Variants in NR3C2 observed in about 807,000 individuals in gnomAD.
The protein encoded by NR3C2 is mineralocorticoid receptor.
NR3C2 carries 15 observed loss-of-function variants against 86.4 expected under a neutral mutation model. That is an observed-to-expected ratio of 0.17 (90% CI 0.12 to 0.27). NR3C2 has a LOEUF of 0.27. Ranked by LOEUF, NR3C2 falls within the 10% of genes least tolerant of loss-of-function variation. The probability of loss-of-function intolerance (pLI) is 1.00; values close to 1 mark genes in which losing one functional copy is unlikely to be tolerated. For synonymous variants in NR3C2, 458 were observed against 450.5 expected (o/e 1.02, Z -0.21); for missense variants, 960 against 1,195.6 (o/e 0.80, Z 2.91).
chr4:148,199,222 C>T (rs1304137989), intron 3 of NR3C2, among the ~76,000 whole-genome samples: 1 of 151,908 alleles, frequency 6.6e-6, no homozygotes, highest in African/African-American at 2.4e-5. Flanking sequence ...TGAAAAGAGT[C>T]CAGCTGAGCC....
chr4:148,233,891 A>G (rs1431718940), intron 3 of NR3C2, among the ~76,000 whole-genome samples: 1 of 152,206 alleles, frequency 6.6e-6, no homozygotes, highest in African/African-American at 2.4e-5. Context: ...AATCACTAAA[A>G]TGTGACACAG....
intron 3 of NR3C2, among the ~76,000 whole-genome samples, chr4:148,255,745 C>G (rs1472473548): frequency 1.3e-5 from 2 of 152,136 alleles, no homozygotes; most frequent in Non-Finnish European, 2.9e-5. Context: ...ACTCTGTTCA[C>G]TGAGGAATCA....
intron 3 of NR3C2, among the ~76,000 whole-genome samples, chr4:148,218,949 C>T (rs979969721): frequency 6.6e-6 from 1 of 152,110 alleles, no homozygotes; most frequent in Non-Finnish European, 1.5e-5. Flanking sequence ...TATGGGCATA[C>T]ATTTTCATTT....
intron 2 of NR3C2, among the ~76,000 whole-genome samples, chr4:148,325,134 A>G (rs916815141): frequency 5.6e-5 from 7 of 125,982 alleles, no homozygotes; most frequent in Non-Finnish European, 9.8e-5. Context: ...GGGAGAGAGA[A>G]TGAGAGAGAG....
intron 4 of NR3C2, among the ~76,000 whole-genome samples, chr4:148,156,691 T>A (rs1401710942): frequency 2.9e-5 from 2 of 68,084 alleles, no homozygotes; most frequent in Admixed American, 1.9e-4. Context: ...ATAGGAACAC[T>A]TTTACACTGT....
chr4:148,136,011 C>G (rs1271505480), intron 6 of NR3C2, among the ~76,000 whole-genome samples: 4 of 118,606 alleles, frequency 3.4e-5, no homozygotes, highest in African/African-American at 1.3e-4. Flanking sequence ...GAGCCGAGAT[C>G]CCGCCACTGC....
At chr4:148,258,584 C>T (rs1739939557) in intron 3 of NR3C2, among the ~76,000 whole-genome samples, 1 of 152,166 alleles carries the variant, frequency 6.6e-6, no homozygotes, top group African/African-American at 2.4e-5. Context: ...GCATGTGAGC[C>T]AAGTTCAATC....
chr4:148,441,125 C>T (rs940409135), intron 1 of NR3C2, among the ~76,000 whole-genome samples: 1 of 152,200 alleles, frequency 6.6e-6, no homozygotes, highest in Admixed American at 6.5e-5. Context: ...CCAGTTAGAA[C>T]TGAGCACACC....
chr4:148,083,475 A>G (rs1730671883), intron 8 of NR3C2, among the ~76,000 whole-genome samples: 1 of 152,228 alleles, frequency 6.6e-6, no homozygotes. Context: ...GAAAACTAAC[A>G]AAGGAAGGGC....
chr4:148,317,971 C>T lies in NR3C2; in HGVS notation c.1758-57854G>A, dbSNP rs200598395. Among the ~76,000 whole-genome samples the T allele has an allele frequency of 9.7e-4, 146 of 150,670 alleles. 1 individual carries two copies. In the East Asian group the frequency reaches 0.021, roughly 22 times the overall value. ...ACATGTGCCATGCTGGTGCGCTGCACCCACTAACTCGTCATCTAGCATTAG... is the reference window on the plus strand; with the variant it reads ...ACATGTGCCATGCTGGTGCGCTGCATCCACTAACTCGTCATCTAGCATTAG... On this transcript the variant is annotated intron_variant, in intron 2 of 8. Coordinates refer to ENST00000358102, the MANE Select transcript of NR3C2 (RefSeq NM_000901.5).
chr4:148,290,621 T>G (rs1741752832), intron 2 of NR3C2, among the ~76,000 whole-genome samples: 2 of 152,176 alleles, frequency 1.3e-5, no homozygotes. Context: ...ACACAACAAC[T>G]CAAATTTTAT....
intron 2 of NR3C2, among the ~76,000 whole-genome samples, chr4:148,379,722 G>C (rs1272248942): frequency 6.6e-6 from 1 of 152,206 alleles, no homozygotes; most frequent in Non-Finnish European, 1.5e-5. Context: ...AGAGAAAGAT[G>C]AGATGCAGTA....
chr4:148,226,723 A>T (rs546098303), intron 3 of NR3C2, among the ~76,000 whole-genome samples: 1 of 152,270 alleles, frequency 6.6e-6, no homozygotes, highest in South Asian at 2.1e-4. Flanking sequence ...AGTTCCAGCT[A>T]ATTCACATCC....
chr4:148,262,209 C>T (rs61760301), intron 2 of NR3C2, among the ~76,000 whole-genome samples: 31 of 152,024 alleles, frequency 2.0e-4, no homozygotes, highest in Non-Finnish European at 3.7e-4. Flanking sequence ...TAAGCATAAG[C>T]GGGATTTTTA....
intron 6 of NR3C2, among the ~76,000 whole-genome samples, chr4:148,120,964 A>T (rs1188023250): frequency 6.6e-6 from 1 of 152,236 alleles, no homozygotes; most frequent in Admixed American, 6.5e-5. Context: ...TGCTTCCATA[A>T]AAATCCATGT....
chr4:148,107,535 A>T lies in NR3C2; in HGVS notation c.2799+6569T>A, dbSNP rs556720372. On this transcript the variant is annotated intron_variant, in intron 8 of 8. Transcript: ENST00000358102. ...GATTATAAATCATTCTACCATAAAG[A>T]TGCATGCACACGTATATTTATTGCA... Among the ~76,000 whole-genome samples, 7 of 152,334 alleles carry T rather than the reference A, an allele frequency of 4.6e-5. No homozygotes were observed. In the South Asian group the frequency reaches 1.4e-3, roughly 32 times the overall value.
At chr4:148,187,031 TATATATATATATAA>T (rs1735954955) in intron 4 of NR3C2, among the ~76,000 whole-genome samples, 1 of 129,476 alleles carries the variant, frequency 7.7e-6, no homozygotes, top group African/African-American at 2.8e-5. Flanking sequence ...TATATATATA[TATATATATATATAA>T]AGAAACTGTG....
At chr4:148,318,087 T>TA (rs1743316125) in intron 2 of NR3C2, among the ~76,000 whole-genome samples, 1 of 146,876 alleles carries the variant, frequency 6.8e-6, no homozygotes, top group Admixed American at 7.0e-5. Flanking sequence ...CATGTGATCT[T>TA]ACTGTTCAAT....
rs1167354543 is a variant in NR3C2, at chr4:148,079,048, A to C, written c.*2296T>G. The C allele has an allele frequency of 6.6e-6, 1 of 152,648 alleles. No individual in the cohort carries two copies. The highest frequency in any genetic ancestry group is 1.9e-4 in the East Asian group (1 of 5,198). 9.5% of individuals were successfully genotyped at this position (152,648 alleles called of 1,614,324 possible). On this transcript the variant is annotated 3_prime_UTR_variant, in exon 9 of 9. Coordinates refer to ENST00000358102, the MANE Select transcript of NR3C2 (RefSeq NM_000901.5). Reference sequence around the variant, plus strand: ...AAGCAAAGTTACCTGGAGACACACAAAGAGCCAGTAACTTTGTTAATACAA... The same window carrying C: ...AAGCAAAGTTACCTGGAGACACACACAGAGCCAGTAACTTTGTTAATACAA...
Sources: allele counts gnomAD v4.1 joint callset (sites outside exome capture counted in the v4.1 genomes callset), GRCh38; gene constraint gnomAD v4.1.1; transcripts MANE v1.5; gene names NCBI Gene and HGNC (gene_info 2026-07-23, HGNC 2026-07-21).